ROBO2: variants seen among roughly 807,000 people sequenced by gnomAD.
ROBO2 encodes roundabout homolog 2.
ROBO2 carries 53 observed loss-of-function variants against 160.8 expected under a neutral mutation model. The ratio of observed to expected loss-of-function variants is 0.33; its 90% CI spans 0.26 to 0.41. The LOEUF (loss-of-function observed/expected upper bound fraction) is 0.41. Ranked by LOEUF, ROBO2 falls within the 10% of genes least tolerant of loss-of-function variation. ROBO2 has a pLI of 1.00. For missense variants in ROBO2, 1,577 were observed against 1,722.4 expected (o/e 0.92, Z 1.49); for synonymous variants, 664 against 611.7 (o/e 1.09, Z -1.26).
At chr3:76,016,441 G>A (rs770994399) in intron 2 of ROBO2, among the ~76,000 whole-genome samples, 8 of 151,430 alleles carry the variant, frequency 5.3e-5, no homozygotes, top group Admixed American at 2.0e-4. Flanking sequence ...TGCCTAGCTC[G>A]GATGCTAATT....
Position 76,939,811 on chromosome 3 carries a change from C to A in ROBO2, c.110-158203C>A, listed in dbSNP as rs544516743. 1.1e-4 allele frequency among the ~76,000 whole-genome samples: 16 copies of A among 152,126 alleles called. No individual in the cohort carries two copies. In the East Asian group the frequency reaches 3.1e-3, roughly 29 times the overall value. On this transcript the variant is annotated intron_variant, in intron 2 of 26. Coordinates refer to the ROBO2 transcript ENST00000487694. ...AAAATAAGTAAATAAATCAATCAATCCCCTCTTCTCTTACCTTTATGCACC... is the reference window on the plus strand; with the variant it reads ...AAAATAAGTAAATAAATCAATCAATACCCTCTTCTCTTACCTTTATGCACC...
chr3:77,449,700 G>A (rs2080926094), intron 2 of ROBO2, among the ~76,000 whole-genome samples: 1 of 152,034 alleles, frequency 6.6e-6, no homozygotes, highest in Non-Finnish European at 1.5e-5. Context: ...TGTGTGATTA[G>A]GTGTGCTTTA....
chr3:76,670,808 A>G (rs1053850392), intron 2 of ROBO2, among the ~76,000 whole-genome samples: 3 of 151,710 alleles, frequency 2.0e-5, no homozygotes. Context: ...TCTTACAACT[A>G]TTGTATTCAG....
At chr3:77,538,760 A>G (rs1254102417) in intron 6 of ROBO2, 2 of 348,542 alleles carry the variant, frequency 5.7e-6, no homozygotes, top group African/African-American at 4.3e-5. Flanking sequence ...ACAATCACGT[A>G]TCAATTAGAA....
chr3:76,038,443 T>C (rs2067182672), intron 2 of ROBO2, among the ~76,000 whole-genome samples: 1 of 151,984 alleles, frequency 6.6e-6, no homozygotes, highest in African/African-American at 2.4e-5. Context: ...TTACATTGTA[T>C]GATGGGTGCT....
chr3:77,507,974 T>A (rs1195609081), intron 5 of ROBO2, among the ~76,000 whole-genome samples: 1 of 151,876 alleles, frequency 6.6e-6, no homozygotes, highest in Admixed American at 6.6e-5. Context: ...GCCAAAAGAG[T>A]GTTGCATATT....
chr3:76,661,016 C>T (rs1052140501), intron 2 of ROBO2, among the ~76,000 whole-genome samples: 4 of 151,990 alleles, frequency 2.6e-5, no homozygotes, highest in African/African-American at 9.7e-5. Context: ...CAGAATATTT[C>T]TCAATGAAAG....
rs150341692 is a variant in ROBO2 at position 76,532,894 on chromosome 3, G to A, written c.110-565120G>A. On this transcript the variant is annotated intron_variant, in intron 2 of 26. Coordinates refer to the ROBO2 transcript ENST00000487694. ...TGTTCCTCAAAATAATGATTAAGTT[G>A]TAGCACTTTTTAAAATACAACATAT... Among the ~76,000 whole-genome samples, 375 of 152,246 alleles carry A rather than the reference G, an allele frequency of 2.5e-3. 1 individual carries two copies. The highest frequency in any genetic ancestry group is 8.6e-3 in the African/African-American group (359 of 41,552).
At chr3:76,239,408 A>T (rs1156575691) in intron 2 of ROBO2, among the ~76,000 whole-genome samples, 1 of 151,994 alleles carries the variant, frequency 6.6e-6, no homozygotes, top group Non-Finnish European at 1.5e-5. Flanking sequence ...TAATGTGTAT[A>T]TAAGTATGTA....
chr3:77,563,352 T>C (rs773559088), intron 11 of ROBO2, 23 bp downstream of exon 12: 7 of 1,611,776 alleles, frequency 4.3e-6, no homozygotes, highest in African/African-American at 1.3e-5. Flanking sequence ...TCCTTCTTTC[T>C]CCACTGGGTT....
intron 5 of ROBO2, among the ~76,000 whole-genome samples, chr3:77,507,158 A>T (rs2088662255): frequency 6.6e-6 from 1 of 152,182 alleles, no homozygotes; most frequent in Non-Finnish European, 1.5e-5. Context: ...TGAAACATTT[A>T]ATGATCAGAA....
chr3:77,373,001 C>T (rs926954218), intron 2 of ROBO2, among the ~76,000 whole-genome samples: 1 of 150,164 alleles, frequency 6.7e-6, no homozygotes, highest in Admixed American at 6.7e-5. Context: ...TTTCCACTTA[C>T]TCCACCAGGT....
chr3:76,819,149 A>G (rs2109098914), intron 2 of ROBO2, among the ~76,000 whole-genome samples: 1 of 152,242 alleles, frequency 6.6e-6, no homozygotes, highest in African/African-American at 2.4e-5. Context: ...TAGATAAACA[A>G]GTGAGAATGA....
At chr3:76,365,822 G>A (rs1424870395) in intron 2 of ROBO2, among the ~76,000 whole-genome samples, 1 of 149,450 alleles carries the variant, frequency 6.7e-6, no homozygotes, top group East Asian at 2.4e-4. Context: ...TGTTATTAAC[G>A]ACCAACATAA....
At chr3:76,646,346 T>C (rs1162712303) in intron 2 of ROBO2, among the ~76,000 whole-genome samples, 1 of 152,178 alleles carries the variant, frequency 6.6e-6, no homozygotes, top group African/African-American at 2.4e-5. Context: ...GAGAGTTTGC[T>C]TGTAGAAGTT....
chr3:76,392,669 C>G (rs1164705608), intron 2 of ROBO2, among the ~76,000 whole-genome samples: 1 of 152,068 alleles, frequency 6.6e-6, no homozygotes, highest in Non-Finnish European at 1.5e-5. Flanking sequence ...TTTTTCTCAT[C>G]ATGAAACAAT....
intron 2 of ROBO2, among the ~76,000 whole-genome samples, chr3:76,184,514 G>T (rs1168418125): frequency 6.6e-6 from 1 of 151,408 alleles, no homozygotes; most frequent in East Asian, 1.9e-4. Context: ...TATTGTATTA[G>T]GGTACTCCAG....
At chr3:77,484,023 T>C (rs989636071) in intron 4 of ROBO2, among the ~76,000 whole-genome samples, 3 of 151,986 alleles carry the variant, frequency 2.0e-5, no homozygotes, top group African/African-American at 4.8e-5. Context: ...CATTTGATCA[T>C]ATCAAAGATA....
chr3:77,600,172 A>G (rs2094402646), intron 19 of ROBO2, among the ~76,000 whole-genome samples: 1 of 152,244 alleles, frequency 6.6e-6, no homozygotes, highest in African/African-American at 2.4e-5. Context: ...TCACCTATTT[A>G]GGTCTAGCCT....
Sources: allele counts gnomAD v4.1 joint callset (sites outside exome capture counted in the v4.1 genomes callset), GRCh38; gene constraint gnomAD v4.1.1; transcripts MANE v1.5; gene names NCBI Gene and HGNC (gene_info 2026-07-23, HGNC 2026-07-21).